Variants in TBC1D23 observed in about 807,000 individuals in gnomAD.
TBC1D23 encodes the protein TBC1 domain family member 23.
A neutral mutation model predicts 91.4 loss-of-function variants in TBC1D23; 55 were observed. The observed-to-expected ratio is 0.60, with a 90% CI of 0.48 to 0.75. TBC1D23 has a LOEUF of 0.75. Among genes scored for constraint, TBC1D23 ranks in the 30% least tolerant of loss-of-function variants. TBC1D23 has a pLI of 0.00. For synonymous variants in TBC1D23, 289 were observed against 281.0 expected, an observed-to-expected ratio of 1.03 and a Z score of -0.28; for missense variants, 725 against 836.1, an observed-to-expected ratio of 0.87 and a Z score of 1.64.
rs929875806 is a variant in TBC1D23 at position 100,315,202 on chromosome 3, G to T, written c.1599-897G>T. On this transcript the variant is annotated intron_variant, in intron 15 of 18. Coordinates refer to ENST00000394144, the MANE Select transcript of TBC1D23 (RefSeq NM_001199198.3). ...TTTGAAATGGAGTTTCACTCTTGTT[G>T]TCCAGGATGGAGTGCAATGGCGCTA... Among the ~76,000 whole-genome samples, 4 of 90,796 alleles carry T rather than the reference G, an allele frequency of 4.4e-5. 1 individual carries two copies. Among genetic ancestry groups the T allele is most frequent in the Admixed American group, 3.4e-4 (2 of 5,896 alleles). 59.6% of individuals were successfully genotyped at this position (90,796 alleles called of 152,430 possible).
chr3:100,302,138 G>A lies in TBC1D23; in HGVS notation c.1164G>A (p.Glu388=). ...SLLEAQKQSI[E]SGSIAGGEHL... is the part of the protein sequence containing the mutation. The stretch of plus-strand genomic sequence containing the variant: ...TGGAAGCACAGAAGCAGTCCATTGA[G>A]TCTGGCTCCATAGCTGGTGGGGAGC... Residue 388 remains glutamate, a synonymous_variant, in exon 11 of 19, where the codon GAG becomes GAA. Coordinates refer to ENST00000394144, the MANE Select transcript of TBC1D23 (RefSeq NM_001199198.3). The A allele has an allele frequency of 2.5e-6, 4 of 1,614,092 alleles. No homozygotes were observed. Among genetic ancestry groups the A allele is most frequent in the South Asian group, 2.2e-5 (2 of 91,078 alleles).
At chr3:100,308,467 A>G (rs1264294941) in intron 13 of TBC1D23, among the ~76,000 whole-genome samples, 1 of 150,860 alleles carries the variant, frequency 6.6e-6, no homozygotes, top group Non-Finnish European at 1.5e-5. Flanking sequence ...ACAGAACGAG[A>G]CTCCGTCTCA....
At chr3:100,321,459 T>C (rs1223918527) in intron 18 of TBC1D23, among the ~76,000 whole-genome samples, 1 of 152,158 alleles carries the variant, frequency 6.6e-6, no homozygotes, top group Admixed American at 6.6e-5. Context: ...ACACTGATAT[T>C]GATACTAAAC....
intron 12 of TBC1D23, among the ~76,000 whole-genome samples, chr3:100,305,710 T>C (rs1705506224): frequency 6.6e-6 from 1 of 152,162 alleles, no homozygotes; most frequent in South Asian, 2.1e-4. Flanking sequence ...TCATTGTTGA[T>C]ATTAACAAGG....
rs759117828 is a variant in TBC1D23, at chr3:100,297,954, T to G, written c.908T>G (p.Leu303Trp). The G allele has an allele frequency of 6.2e-7, 1 of 1,612,370 alleles. No homozygotes were observed. Among genetic ancestry groups the G allele is most frequent in the South Asian group, 1.1e-5 (1 of 90,968 alleles). The change falls in exon 9 of 19, where the codon TTG becomes TGG. Residue 303 changes from leucine to tryptophan, a missense_variant. By Grantham distance (61) the Leu-to-Trp change is moderately conservative. Transcript: ENST00000394144. ...CACCATCTCTTTGGTAGTACTTTGT[T>G]GGGAATTAAGGATGATGATGCAGAT... is the stretch of plus-strand genomic sequence containing the variant. ...DNHHLFGSTLLGIKDDDADLS... is the reference protein window; with the variant it reads ...DNHHLFGSTLWGIKDDDADLS...
intron 10 of TBC1D23, among the ~76,000 whole-genome samples, chr3:100,300,872 A>AT (rs1370183022): frequency 6.6e-6 from 1 of 152,044 alleles, no homozygotes. Context: ...CTGTTTACAT[A>AT]TTTTTTGTTT....
chr3:100,301,850 C>G (rs2148864787), intron 10 of TBC1D23: 1 of 447,528 alleles, frequency 2.2e-6, no homozygotes, highest in African/African-American at 2.1e-5. Flanking sequence ...TTGCATCAAT[C>G]TTTGTGTGAA....
At chr3:100,323,490 C>A in intron 18 of TBC1D23, 97 bp from the exon 19 acceptor site, 1 of 500,796 alleles carries the variant, frequency 2.0e-6, no homozygotes, top group Non-Finnish European at 2.9e-6. Flanking sequence ...TTGGAGGTGA[C>A]CTATCAGCTG....
intron 5 of TBC1D23, among the ~76,000 whole-genome samples, chr3:100,294,119 G>A (rs750896596): frequency 1.3e-5 from 2 of 152,094 alleles, no homozygotes; most frequent in Non-Finnish European, 2.9e-5. Context: ...AATTATTTCT[G>A]TATCTAATGA....
At chr3:100,287,587 G>A (rs1383831736) in intron 4 of TBC1D23, among the ~76,000 whole-genome samples, 1 of 152,152 alleles carries the variant, frequency 6.6e-6, no homozygotes, top group Non-Finnish European at 1.5e-5. Flanking sequence ...GACTAAGGAG[G>A]AGGTAGTCAT....
intron 16 of TBC1D23, among the ~76,000 whole-genome samples, chr3:100,318,543 CCTGA>C (rs1461777388): frequency 6.6e-6 from 1 of 151,840 alleles, no homozygotes; most frequent in Non-Finnish European, 1.5e-5. Flanking sequence ...AATATTTAAA[CCTGA>C]CTTTGTTACC....
At chr3:100,292,854 G>T (rs186440192) in intron 5 of TBC1D23, among the ~76,000 whole-genome samples, 10 of 152,278 alleles carry the variant, frequency 6.6e-5, no homozygotes, top group Middle Eastern at 3.4e-3. Flanking sequence ...TCTCACGCAG[G>T]CCTCCCAAAG....
chr3:100,306,396 T>C (rs931899282), intron 12 of TBC1D23, 41 bp from the exon 13 acceptor site: 3 of 1,195,894 alleles, frequency 2.5e-6, no homozygotes, highest in African/African-American at 3.1e-5. Flanking sequence ...CAAAGAGTGT[T>C]GATATTTTAG....
At chr3:100,299,730 C>T (rs1467380564) in intron 10 of TBC1D23, among the ~76,000 whole-genome samples, 1 of 152,134 alleles carries the variant, frequency 6.6e-6, no homozygotes, top group Non-Finnish European at 1.5e-5. Flanking sequence ...AGGCTGGTCT[C>T]GAACTCCTGA....
Position 100,283,829 on chromosome 3 carries a change from T to C in TBC1D23, c.476+18T>C. The C allele has an allele frequency of 1.9e-6, 3 of 1,549,090 alleles. No individual in the cohort carries two copies. The highest frequency in any genetic ancestry group is 2.7e-6 in the Non-Finnish European group (3 of 1,123,190). On this transcript the variant is annotated intron_variant, in intron 4 of 18. Transcript: ENST00000394144. ...ATTCCCAGGTAAAATATGATTCAGT[T>C]ATTGTAGTTTTTAAAAGTGAATACA...
intron 5 of TBC1D23, among the ~76,000 whole-genome samples, chr3:100,293,102 ATAGT>A (rs1028642389): frequency 4.6e-4 from 53 of 114,266 alleles, no homozygotes; most frequent in Non-Finnish European, 6.9e-4. Context: ...GATATGCCAG[ATAGT>A]TTGTTTGTTT....
intron 8 of TBC1D23, 96 bp downstream of exon 8, chr3:100,296,371 T>G: frequency 1.4e-6 from 1 of 739,230 alleles, no homozygotes; most frequent in Non-Finnish European, 2.2e-6. Context: ...GTTGTCAATT[T>G]TTTCTGTTTC....
intron 1 of TBC1D23, among the ~76,000 whole-genome samples, chr3:100,277,914 T>C (rs1310969584): frequency 6.6e-6 from 1 of 152,252 alleles, no homozygotes; most frequent in Non-Finnish European, 1.5e-5. Context: ...GGTGACCATA[T>C]AGCAAAAGAA....
Position 100,261,085 on chromosome 3 carries a change from G to A in TBC1D23, c.53+14G>A, listed in dbSNP as rs757113233. ...CGGCGACGGCTGGTGAGTGAAAGCC[G>A]GGGCTAATTTCCAATGCCCCTTTAT... On this transcript the variant is annotated intron_variant, in intron 1 of 18. Transcript: ENST00000394144. The A allele has an allele frequency of 6.2e-7, 1 of 1,611,862 alleles. No homozygotes were observed. The highest frequency in any genetic ancestry group is 1.7e-5 in the Admixed American group (1 of 59,984).
Sources: allele counts gnomAD v4.1 joint callset (sites outside exome capture counted in the v4.1 genomes callset), GRCh38; gene constraint gnomAD v4.1.1; transcripts MANE v1.5; gene names NCBI Gene and HGNC (gene_info 2026-07-23, HGNC 2026-07-21).